BMP6: variants seen among roughly 807,000 people sequenced by gnomAD.
BMP6 encodes VG-1-R.
In BMP6, 17 loss-of-function variants were observed where a neutral mutation model predicts 54.1. The observed-to-expected ratio is 0.31, with a 90% CI of 0.22 to 0.47. BMP6 has a LOEUF of 0.47. Ranked by LOEUF, BMP6 falls within the 20% of genes least tolerant of loss-of-function variation. The pLI is 1.00. For synonymous variants in BMP6, 328 were observed against 291.2 expected, an observed-to-expected ratio of 1.13 and a Z score of -1.28; for missense variants, 720 against 690.4, an observed-to-expected ratio of 1.04 and a Z score of -0.48.
intron 4 of BMP6, among the ~76,000 whole-genome samples, chr6:7,867,734 C>T (rs1351980638): frequency 6.6e-6 from 1 of 152,156 alleles, no homozygotes; most frequent in East Asian, 1.9e-4. Context: ...CTTAATTCTC[C>T]ATAGACATGG....
intron 1 of BMP6, among the ~76,000 whole-genome samples, chr6:7,764,691 T>C (rs1187854256): frequency 2.6e-5 from 4 of 152,178 alleles, no homozygotes; most frequent in African/African-American, 9.7e-5. Context: ...ATGTTGCCCA[T>C]GCCGGATTCA....
chr6:7,752,274 G>C (rs1757437403), intron 1 of BMP6, among the ~76,000 whole-genome samples: 1 of 152,170 alleles, frequency 6.6e-6, no homozygotes, highest in Non-Finnish European at 1.5e-5. Flanking sequence ...ATAAAACTAG[G>C]TGGCTGGCTC....
chr6:7,789,611 G>A (rs983558099), intron 1 of BMP6, among the ~76,000 whole-genome samples: 2 of 152,122 alleles, frequency 1.3e-5, no homozygotes, highest in Non-Finnish European at 2.9e-5. Flanking sequence ...AGGTTGGCAG[G>A]TGCTCCTGGA....
intron 1 of BMP6, among the ~76,000 whole-genome samples, chr6:7,745,734 A>G (rs1215405522): frequency 1.3e-5 from 2 of 151,980 alleles, no homozygotes; most frequent in African/African-American, 4.8e-5. Context: ...AAGATGTGGC[A>G]GCTGGCTTGA....
At position 7,817,176 on chromosome 6, in the gene BMP6, A is replaced by G. The variant is rs539310829; in HGVS notation, c.665-27964A>G. Among the ~76,000 whole-genome samples, 29 of 152,110 alleles carry G rather than the reference A, an allele frequency of 1.9e-4. No homozygotes were observed. In the South Asian group the frequency reaches 5.6e-3, roughly 29 times the overall value. On this transcript the variant is annotated intron_variant, in intron 1 of 6. Coordinates refer to ENST00000283147, the MANE Select transcript of BMP6 (RefSeq NM_001718.6). ...GTGTTAATGAGCTCCTTTGATTATC[A>G]TGTTTTTTTAATGTGAGAAAAAATA...
intron 1 of BMP6, among the ~76,000 whole-genome samples, chr6:7,728,229 G>A (rs1761783908): frequency 6.6e-6 from 1 of 152,240 alleles, no homozygotes; most frequent in Non-Finnish European, 1.5e-5. Flanking sequence ...GGCCGGGCGG[G>A]GCTCGCTTCT....
At chr6:7,868,029 G>A (rs1268189274) in intron 4 of BMP6, among the ~76,000 whole-genome samples, 2 of 152,232 alleles carry the variant, frequency 1.3e-5, no homozygotes, top group South Asian at 2.1e-4. Flanking sequence ...GGGGCCAGGA[G>A]ACTCAGTCTA....
At chr6:7,817,690 T>G (rs896905574) in intron 1 of BMP6, among the ~76,000 whole-genome samples, 7 of 151,972 alleles carry the variant, frequency 4.6e-5, no homozygotes, top group Non-Finnish European at 7.4e-5. Context: ...AACCTGCACA[T>G]TGTGCACATG....
chr6:7,840,792 C>T (rs1758956434), intron 1 of BMP6, among the ~76,000 whole-genome samples: 1 of 152,080 alleles, frequency 6.6e-6, no homozygotes, highest in South Asian at 2.1e-4. Flanking sequence ...CTTGACTGGT[C>T]CTTGAAATTT....
intron 1 of BMP6, among the ~76,000 whole-genome samples, chr6:7,789,823 C>G (rs1260760100): frequency 6.6e-6 from 1 of 152,194 alleles, no homozygotes; most frequent in Non-Finnish European, 1.5e-5. Context: ...CCCTCTGATA[C>G]CCCTTGCCAG....
intron 4 of BMP6, among the ~76,000 whole-genome samples, chr6:7,868,271 C>A (rs567510646): frequency 6.6e-6 from 1 of 152,296 alleles, no homozygotes; most frequent in African/African-American, 2.4e-5. Flanking sequence ...TGTTGACCAT[C>A]CAAATTATAA....
chr6:7,826,662 A>T (rs7758316), intron 1 of BMP6, among the ~76,000 whole-genome samples: 3,904 of 152,292 alleles, frequency 0.026, 172 homozygotes, highest in African/African-American at 0.087. Flanking sequence ...CCTCATTCCG[A>T]CTTTTCTTTT....
intron 1 of BMP6, among the ~76,000 whole-genome samples, chr6:7,728,491 A>G (rs1440024261): frequency 1.3e-5 from 2 of 150,312 alleles, no homozygotes; most frequent in Non-Finnish European, 2.9e-5. Flanking sequence ...ACCCGGACCC[A>G]GTCACATCGC....
At chr6:7,820,133 A>C (rs184635769) in intron 1 of BMP6, among the ~76,000 whole-genome samples, 2 of 152,384 alleles carry the variant, frequency 1.3e-5, no homozygotes, top group East Asian at 3.8e-4. Flanking sequence ...TCCATCATCC[A>C]GCTAACTACA....
chr6:7,767,500 T>G (rs570206155), intron 1 of BMP6, among the ~76,000 whole-genome samples: 37 of 152,226 alleles, frequency 2.4e-4, no homozygotes, highest in African/African-American at 8.4e-4. Context: ...CCACGGAGAT[T>G]TGGATACAGT....
chr6:7,843,854 C>T (rs140162769), intron 1 of BMP6, among the ~76,000 whole-genome samples: 4 of 152,136 alleles, frequency 2.6e-5, no homozygotes, highest in African/African-American at 9.6e-5. Context: ...TGTCTTCATG[C>T]GGGAAAAAGA....
At chr6:7,761,743 A>G (rs909515235) in intron 1 of BMP6, among the ~76,000 whole-genome samples, 1 of 152,228 alleles carries the variant, frequency 6.6e-6, no homozygotes, top group African/African-American at 2.4e-5. Flanking sequence ...TCTTCAGAGT[A>G]GACTTAGAGA....
chr6:7,733,003 A>G (rs370750498), intron 1 of BMP6, among the ~76,000 whole-genome samples: 19 of 151,856 alleles, frequency 1.3e-4, no homozygotes, highest in African/African-American at 3.9e-4. Context: ...GGTTCAATCA[A>G]TTCTCCTGTG....
At chr6:7,870,201 A>C (rs1759499846) in intron 4 of BMP6, among the ~76,000 whole-genome samples, 1 of 152,116 alleles carries the variant, frequency 6.6e-6, no homozygotes, top group South Asian at 2.1e-4. Context: ...GGCTTGGGAG[A>C]GGGATTTCAG....
Sources: allele counts gnomAD v4.1 joint callset (sites outside exome capture counted in the v4.1 genomes callset), GRCh38; gene constraint gnomAD v4.1.1; transcripts MANE v1.5; gene names NCBI Gene and HGNC (gene_info 2026-07-23, HGNC 2026-07-21).